PRKG1: variants seen among roughly 807,000 people sequenced by gnomAD.
PRKG1 encodes protein kinase cGMP-dependent 1, also known as cGMP-dependent protein kinase 1.
Under a neutral mutation model 88.1 loss-of-function variants are expected in PRKG1, and 35 were observed. That is an observed-to-expected ratio of 0.40 (90% confidence interval 0.30 to 0.53). The LOEUF (loss-of-function observed/expected upper bound fraction) is 0.53. Ranked by LOEUF, PRKG1 falls within the 20% of genes least tolerant of loss-of-function variation. PRKG1 has a pLI of 0.59. For missense variants in PRKG1, 540 were observed against 839.8 expected, an observed-to-expected ratio of 0.64 and a Z score of 4.41; for synonymous variants, 303 against 292.5, an observed-to-expected ratio of 1.04 and a Z score of -0.37.
chr10:51,032,380 A>G (rs796200914), intron 1 of PRKG1, among the ~76,000 whole-genome samples: 2 of 150,556 alleles, frequency 1.3e-5, no homozygotes, highest in African/African-American at 2.4e-5. Flanking sequence ...GCCCTTGTCG[A>G]TTTTTTAAAC....
intron 1 of PRKG1, among the ~76,000 whole-genome samples, chr10:51,039,932 A>G (rs538950414): frequency 2.6e-5 from 4 of 152,082 alleles, no homozygotes; most frequent in Non-Finnish European, 5.9e-5. Context: ...CTATTGGTCT[A>G]TGTGTCTGTT....
chr10:52,271,983 A>G (rs1002025949), intron 11 of PRKG1, among the ~76,000 whole-genome samples: 1 of 152,106 alleles, frequency 6.6e-6, no homozygotes, highest in Non-Finnish European at 1.5e-5. Context: ...AAGATGTAAC[A>G]TGAATTTGAG....
At chr10:51,069,776 T>C (rs1037638179), upstream of PRKG1, among the ~76,000 whole-genome samples, 1 of 152,138 alleles carries the variant, frequency 6.6e-6, no homozygotes, top group Non-Finnish European at 1.5e-5. Context: ...AGCTCAGATA[T>C]TTTGAATTGA....
At chr10:51,041,855 A>G (rs553839846) in intron 1 of PRKG1, among the ~76,000 whole-genome samples, 7 of 152,316 alleles carry the variant, frequency 4.6e-5, no homozygotes, top group African/African-American at 1.7e-4. Flanking sequence ...TACCTCCAGT[A>G]TATACAATCA....
chr10:51,329,467 C>A (rs1274345200), intron 2 of PRKG1, among the ~76,000 whole-genome samples: 1 of 152,156 alleles, frequency 6.6e-6, no homozygotes, highest in East Asian at 1.9e-4. Context: ...TTTACAAATA[C>A]CATTACAGTA....
intron 5 of PRKG1, among the ~76,000 whole-genome samples, chr10:51,982,175 C>T (rs970444353): frequency 3.9e-5 from 6 of 152,274 alleles, no homozygotes; most frequent in Admixed American, 3.9e-4. Flanking sequence ...TGATTACATT[C>T]TTTTCTATAC....
intron 3 of PRKG1, among the ~76,000 whole-genome samples, chr10:51,522,793 C>T (rs1369844565): frequency 1.3e-5 from 2 of 152,030 alleles, no homozygotes; most frequent in African/African-American, 2.4e-5. Flanking sequence ...CAGTGTCAAT[C>T]ATAGGCAATT....
chr10:51,439,002 T>G (rs1839015914), intron 2 of PRKG1, among the ~76,000 whole-genome samples: 2 of 116,100 alleles, frequency 1.7e-5, no homozygotes, highest in Admixed American at 1.6e-4. Context: ...CTAATTGGGA[T>G]TTTTTTTTTT....
chr10:51,517,524 G>T (rs1841620906), intron 3 of PRKG1, among the ~76,000 whole-genome samples: 1 of 152,162 alleles, frequency 6.6e-6, no homozygotes, highest in Non-Finnish European at 1.5e-5. Flanking sequence ...ATCTGATAGT[G>T]GTGCCATTCC....
At chr10:52,123,743 A>G (rs891237692) in intron 7 of PRKG1, among the ~76,000 whole-genome samples, 2 of 152,158 alleles carry the variant, frequency 1.3e-5, no homozygotes. Context: ...ACTTCATTCT[A>G]TCATGGCTAC....
intron 2 of PRKG1, among the ~76,000 whole-genome samples, chr10:51,201,918 A>G (rs777879148): frequency 3.9e-5 from 6 of 152,234 alleles, no homozygotes; most frequent in Non-Finnish European, 1.5e-5. Context: ...CAGCAAGTGA[A>G]CAAGTTTCTA....
chr10:52,160,652 G>A (rs560013447), intron 8 of PRKG1, among the ~76,000 whole-genome samples: 1 of 152,068 alleles, frequency 6.6e-6, no homozygotes, highest in East Asian at 1.9e-4. Context: ...AAAAGTATAT[G>A]TAAAAGCAAT....
intron 2 of PRKG1, among the ~76,000 whole-genome samples, chr10:51,164,363 A>T (rs1042581531): frequency 6.6e-6 from 1 of 152,196 alleles, no homozygotes; most frequent in Non-Finnish European, 1.5e-5. Context: ...CAAACTAACA[A>T]ACAGAAAGGA....
At chr10:51,738,303 A>G (rs1322135477) in intron 3 of PRKG1, among the ~76,000 whole-genome samples, 2 of 152,156 alleles carry the variant, frequency 1.3e-5, no homozygotes, top group Non-Finnish European at 2.9e-5. Context: ...AGTCCTTCAA[A>G]AGGGACGTTT....
chr10:51,395,900 T>C (rs987445280), intron 2 of PRKG1, among the ~76,000 whole-genome samples: 1 of 152,156 alleles, frequency 6.6e-6, no homozygotes, highest in Non-Finnish European at 1.5e-5. Flanking sequence ...CTAGAAAGAT[T>C]TCCTGTCTAT....
chr10:51,637,778 G>A (rs1478341436), intron 3 of PRKG1, among the ~76,000 whole-genome samples: 1 of 152,166 alleles, frequency 6.6e-6, no homozygotes, highest in Non-Finnish European at 1.5e-5. Flanking sequence ...GGCAGGGGGT[G>A]GAAGGAGTGA....
At chr10:51,947,147 C>A (rs1036730877) in intron 5 of PRKG1, among the ~76,000 whole-genome samples, 1 of 151,586 alleles carries the variant, frequency 6.6e-6, no homozygotes, top group Admixed American at 6.5e-5. Flanking sequence ...CTTTGTTTAC[C>A]TAAGCAAGCC....
chr10:51,977,435 A>G (rs11000352), intron 5 of PRKG1, among the ~76,000 whole-genome samples: 32,222 of 151,918 alleles, frequency 0.21, 4,001 homozygotes, highest in Non-Finnish European at 0.28. Flanking sequence ...GAACATACGC[A>G]TGCCTGTCTC....
intron 5 of PRKG1, among the ~76,000 whole-genome samples, chr10:51,921,157 G>C (rs1376489784): frequency 6.6e-6 from 1 of 151,820 alleles, no homozygotes; most frequent in Non-Finnish European, 1.5e-5. Flanking sequence ...CTCTTTTACT[G>C]TCTCAGTAGT....
Sources: allele counts gnomAD v4.1 joint callset (sites outside exome capture counted in the v4.1 genomes callset), GRCh38; gene constraint gnomAD v4.1.1; transcripts MANE v1.5; gene names NCBI Gene and HGNC (gene_info 2026-07-23, HGNC 2026-07-21).